Variants in PXDNL observed in about 807,000 individuals in gnomAD.
PXDNL encodes peroxidasin like, also known as probable oxidoreductase PXDNL.
A neutral mutation model predicts 150.8 loss-of-function variants in PXDNL; 145 were observed. The observed-to-expected ratio is 0.96, with a 90% confidence interval of 0.84 to 1.10. The LOEUF is 1.10. Among genes scored for constraint, PXDNL ranks in the 50% least tolerant of loss-of-function variants. The pLI is 0.00. For synonymous variants in PXDNL, 757 were observed against 725.7 expected, an observed-to-expected ratio of 1.04 and a Z score of -0.69; for missense variants, 2,087 against 1,873.9, an observed-to-expected ratio of 1.11 and a Z score of -2.10.
In PXDNL at chr8:51,792,213, CACCA is replaced by C. The variant is rs2037519513; in HGVS notation, c.164+16964_164+16967del. Among the ~76,000 whole-genome samples the C allele has an allele frequency of 2.6e-5, 4 of 152,060 alleles. No individual in the cohort carries two copies. In the East Asian group the frequency reaches 7.8e-4, roughly 30 times the overall value. On this transcript the variant is annotated intron_variant, in intron 1 of 22. Transcript: ENST00000356297. The stretch of plus-strand genomic sequence containing the variant: ...GAATGAAAATGGCGAGTGAATCCTG[CACCA>C]CAACTGAGGTATCGAGGTTCTCTCA...
chr8:51,451,431 T>A (rs1320986573), intron 10 of PXDNL, among the ~76,000 whole-genome samples: 1 of 152,192 alleles, frequency 6.6e-6, no homozygotes, highest in African/African-American at 2.4e-5. Context: ...ATCTTTGGGC[T>A]TTCCATTTAA....
chr8:51,350,661 G>T (rs2915460), intron 19 of PXDNL, among the ~76,000 whole-genome samples: 112,773 of 151,986 alleles, frequency 0.74, 42,341 homozygotes, highest in East Asian at 0.94. Context: ...AGCCGCAAAT[G>T]CAGCTTCTAC....
At chr8:51,676,663 G>C (rs995974717) in intron 1 of PXDNL, among the ~76,000 whole-genome samples, 2 of 152,254 alleles carry the variant, frequency 1.3e-5, no homozygotes, top group East Asian at 1.9e-4. Flanking sequence ...ACCTGGTGTA[G>C]AATTACCAAA....
chr8:51,541,560 G>A (rs78177197), intron 4 of PXDNL, among the ~76,000 whole-genome samples: 6,780 of 152,140 alleles, frequency 0.045, 300 homozygotes, highest in East Asian at 0.24. Flanking sequence ...AGTTTCCTCC[G>A]ACACGTGCAG....
chr8:51,376,788 A>G (rs552939637), intron 17 of PXDNL, among the ~76,000 whole-genome samples: 7 of 150,594 alleles, frequency 4.6e-5, no homozygotes, highest in African/African-American at 1.7e-4. Context: ...GCAGGATCTC[A>G]GTTCACTGCA....
At chr8:51,646,294 G>A (rs1475531920) in intron 2 of PXDNL, among the ~76,000 whole-genome samples, 1 of 152,196 alleles carries the variant, frequency 6.6e-6, no homozygotes, top group South Asian at 2.1e-4. Context: ...GAGAAGCCTC[G>A]GGAGAAACCA....
intron 2 of PXDNL, among the ~76,000 whole-genome samples, chr8:51,609,843 A>G (rs558403077): frequency 1.3e-5 from 2 of 152,302 alleles, no homozygotes; most frequent in African/African-American, 4.8e-5. Flanking sequence ...TACGTAGAGA[A>G]GTGCTTCTGA....
At chr8:51,770,533 G>A (rs1481374543) in intron 1 of PXDNL, among the ~76,000 whole-genome samples, 1 of 152,156 alleles carries the variant, frequency 6.6e-6, no homozygotes, top group African/African-American at 2.4e-5. Flanking sequence ...ATTGGTCCAT[G>A]AGTCCAGGAA....
At chr8:51,409,585 G>C in intron 16 of PXDNL, 24 bp from the exon 17 acceptor site, 2 of 1,527,030 alleles carry the variant, frequency 1.3e-6, no homozygotes, top group Non-Finnish European at 8.8e-7. Context: ...GGCGAAAGCC[G>C]TGAGGAGGGC....
At position 51,599,676 on chromosome 8, in the gene PXDNL, TATC is replaced by T. The variant is rs1017866373; in HGVS notation, c.237-6981_237-6979del. On this transcript the variant is annotated intron_variant, in intron 2 of 22. Transcript: ENST00000356297. ...AATAAATTATATCTTATATAAATGA[TATC>T]ATTTATATAATAAATTATATCTTAT... is the stretch of plus-strand genomic sequence containing the variant. 1.0e-4 allele frequency among the ~76,000 whole-genome samples: 15 copies of T among 146,904 alleles called. No homozygotes were observed. The South Asian group carries it at 2.9e-3, about 29-fold the overall frequency.
intron 21 of PXDNL, among the ~76,000 whole-genome samples, chr8:51,339,413 T>C (rs902006638): frequency 5.9e-5 from 9 of 152,188 alleles, no homozygotes; most frequent in Non-Finnish European, 1.2e-4. Flanking sequence ...TGAGCCAGAA[T>C]TGTGCTACTA....
chr8:51,797,121 C>T (rs560845698), intron 1 of PXDNL, among the ~76,000 whole-genome samples: 2 of 152,266 alleles, frequency 1.3e-5, no homozygotes, highest in South Asian at 4.2e-4. Flanking sequence ...TAAAATTCAA[C>T]ACTGATTCAT....
intron 9 of PXDNL, among the ~76,000 whole-genome samples, chr8:51,454,601 T>A (rs1436644300): frequency 2.0e-5 from 3 of 152,192 alleles, no homozygotes; most frequent in Non-Finnish European, 2.9e-5. Context: ...AATTAAATAT[T>A]TGCTAAGGTG....
intron 4 of PXDNL, among the ~76,000 whole-genome samples, chr8:51,544,536 A>G (rs1402412272): frequency 2.6e-5 from 4 of 152,206 alleles, no homozygotes; most frequent in Admixed American, 6.5e-5. Flanking sequence ...GATGTAGCCA[A>G]CACATAGAAA....
intron 10 of PXDNL, among the ~76,000 whole-genome samples, chr8:51,451,986 T>C (rs1809818301): frequency 6.6e-6 from 1 of 152,080 alleles, no homozygotes; most frequent in Non-Finnish European, 1.5e-5. Flanking sequence ...CAACAAGAAA[T>C]CATTAGCATA....
chr8:51,495,685 A>G (rs1263100623), intron 5 of PXDNL, among the ~76,000 whole-genome samples: 1 of 152,244 alleles, frequency 6.6e-6, no homozygotes, highest in Non-Finnish European at 1.5e-5. Context: ...TCTAGAAGAA[A>G]TGGATAAATT....
intron 2 of PXDNL, among the ~76,000 whole-genome samples, chr8:51,648,243 T>C (rs1289969094): frequency 6.6e-6 from 1 of 152,238 alleles, no homozygotes; most frequent in Non-Finnish European, 1.5e-5. Context: ...TCGTAATTCC[T>C]GGAATCTGTA....
At chr8:51,795,978 C>A (rs1362061740) in intron 1 of PXDNL, among the ~76,000 whole-genome samples, 3 of 152,154 alleles carry the variant, frequency 2.0e-5, no homozygotes, top group Non-Finnish European at 4.4e-5. Context: ...TAAATAAGCT[C>A]ATTAGGTAAA....
At chr8:51,473,201 A>T (rs552380159) in intron 7 of PXDNL, among the ~76,000 whole-genome samples, 1 of 151,856 alleles carries the variant, frequency 6.6e-6, no homozygotes, top group Admixed American at 6.6e-5. Flanking sequence ...AGGACTAGTG[A>T]TGAAGCAGTG....
Sources: gnomAD v4.1 joint callset for allele counts (sites outside exome capture counted in the v4.1 genomes callset) on GRCh38, gnomAD v4.1.1 for gene constraint, MANE v1.5 for transcripts, NCBI Gene and HGNC (gene_info 2026-07-23, HGNC 2026-07-21) for gene names.